Variants in KCNH1 observed in about 807,000 individuals in gnomAD.
The protein encoded by KCNH1 is voltage-gated delayed rectifier potassium channel KCNH1.
In KCNH1, 27 loss-of-function variants were observed where a neutral mutation model predicts 69.2. The ratio of observed to expected loss-of-function variants is 0.39; its 90% CI spans 0.29 to 0.54. The LOEUF is 0.54. KCNH1 is among the 20% of genes least tolerant of loss of function. KCNH1 has a pLI of 0.68. For missense variants in KCNH1, 798 were observed against 1,261.6 expected, an observed-to-expected ratio of 0.63 and a Z score of 5.57; for synonymous variants, 456 against 487.7, an observed-to-expected ratio of 0.93 and a Z score of 0.86.
At chr1:210,883,242 A>G (rs537520363) in intron 7 of KCNH1, among the ~76,000 whole-genome samples, 1 of 152,352 alleles carries the variant, frequency 6.6e-6, no homozygotes, top group East Asian at 1.9e-4. Context: ...ATGTGTGCTA[A>G]TGAAGGCAAA....
intron 10 of KCNH1, among the ~76,000 whole-genome samples, chr1:210,727,331 A>G (rs1682623337): frequency 6.6e-6 from 1 of 152,144 alleles, no homozygotes; most frequent in Non-Finnish European, 1.5e-5. Context: ...TATCTTACTC[A>G]ATAAGCCCAC....
chr1:211,095,298 GA>G (rs1179061969), intron 3 of KCNH1, among the ~76,000 whole-genome samples: 1 of 152,170 alleles, frequency 6.6e-6, no homozygotes, highest in Non-Finnish European at 1.5e-5. Context: ...CTTTATTGAA[GA>G]AAGATCTATG....
At chr1:210,832,740 G>A (rs1054377385) in intron 7 of KCNH1, among the ~76,000 whole-genome samples, 16 of 151,686 alleles carry the variant, frequency 1.1e-4, no homozygotes, top group African/African-American at 3.1e-4. Context: ...AGCAGGACCC[G>A]TTTTTTTCAC....
intron 1 of KCNH1, among the ~76,000 whole-genome samples, chr1:211,122,117 G>T (rs188805224): frequency 1.3e-5 from 2 of 151,676 alleles, no homozygotes; most frequent in African/African-American, 4.8e-5. Context: ...CAGCCTGGGC[G>T]ACAGTGAGAC....
chr1:210,780,541 T>C (rs1050534277), intron 9 of KCNH1, among the ~76,000 whole-genome samples: 1 of 152,104 alleles, frequency 6.6e-6, no homozygotes, highest in African/African-American at 2.4e-5. Flanking sequence ...GTGACTATAA[T>C]GTGTTAGGGG....
intron 5 of KCNH1, among the ~76,000 whole-genome samples, chr1:211,045,180 A>C (rs1296811746): frequency 6.6e-6 from 1 of 151,638 alleles, no homozygotes; most frequent in Non-Finnish European, 1.5e-5. Context: ...AAAGCCAAAC[A>C]TTGTATGCTC....
intron 7 of KCNH1, among the ~76,000 whole-genome samples, chr1:210,894,335 T>C (rs1686814418): frequency 2.0e-5 from 3 of 152,200 alleles, no homozygotes; most frequent in Admixed American, 2.0e-4. Context: ...GGAAAGACCC[T>C]TCTGACTACT....
intron 5 of KCNH1, among the ~76,000 whole-genome samples, chr1:211,081,844 C>T (rs972204815): frequency 1.6e-4 from 24 of 152,044 alleles, no homozygotes; most frequent in African/African-American, 5.6e-4. Context: ...GGAGGGATAG[C>T]GTTAGGAGAA....
chr1:210,756,193 C>T (rs941155489), intron 10 of KCNH1, among the ~76,000 whole-genome samples: 1 of 152,166 alleles, frequency 6.6e-6, no homozygotes. Flanking sequence ...AGAAACCCTC[C>T]CCCTGCTTAC....
chr1:211,004,321 G>A (rs960654933), intron 6 of KCNH1, among the ~76,000 whole-genome samples: 4 of 152,022 alleles, frequency 2.6e-5, no homozygotes, highest in African/African-American at 9.7e-5. Context: ...AATGAAAGAG[G>A]AAACAGATAT....
rs146268864 is a variant in KCNH1 at position 211,084,767 on chromosome 1, A to G, written c.440-1869T>C. ...AAACCCATATTTTCCTTCCTGCTCT[A>G]TAGATACTTTATAATGGCAATCATG... On this transcript the variant is annotated intron_variant, in intron 4 of 10. Coordinates refer to ENST00000271751, the MANE Select transcript of KCNH1 (RefSeq NM_172362.3). Among the ~76,000 whole-genome samples the G allele has an allele frequency of 3.4e-3, 520 of 152,362 alleles. 1 individual carries two copies. The highest frequency in any genetic ancestry group is 5.3e-3 in the Non-Finnish European group (364 of 68,038).
chr1:211,054,518 G>C (rs1350054014), intron 5 of KCNH1, among the ~76,000 whole-genome samples: 1 of 151,552 alleles, frequency 6.6e-6, no homozygotes, highest in Non-Finnish European at 1.5e-5. Context: ...AAACAAAATG[G>C]TAAAATATAT....
intron 10 of KCNH1, among the ~76,000 whole-genome samples, chr1:210,741,781 G>A (rs1166394985): frequency 3.3e-5 from 5 of 152,268 alleles, no homozygotes; most frequent in Admixed American, 1.3e-4. Context: ...CCCATCAACC[G>A]ACAGGGGCAG....
At chr1:210,967,105 T>C (rs562351565) in intron 6 of KCNH1, among the ~76,000 whole-genome samples, 1 of 151,648 alleles carries the variant, frequency 6.6e-6, no homozygotes, top group African/African-American at 2.4e-5. Flanking sequence ...TTCTCACTCA[T>C]AAGTGGGAGT....
At position 211,134,035 on chromosome 1, in the gene KCNH1, C is replaced by T; in HGVS notation, c.-90G>A. 8.8e-7 allele frequency: 1 copy of T among 1,131,330 alleles called. No individual in the cohort carries two copies. The highest frequency in any genetic ancestry group is 2.6e-5 in the East Asian group (1 of 38,804). 70.1% of individuals were successfully genotyped at this position (1,131,330 alleles called of 1,614,324 possible). ...CCTCGGGGCCCGCACGCAGTCCCGGCTCGAAGCGCCCCATGCGCCCGGCGG... is the reference window on the plus strand; with the variant it reads ...CCTCGGGGCCCGCACGCAGTCCCGGTTCGAAGCGCCCCATGCGCCCGGCGG... On this transcript the variant is annotated 5_prime_UTR_variant, in exon 1 of 11. Coordinates refer to ENST00000271751, the MANE Select transcript of KCNH1 (RefSeq NM_172362.3). This position sits in a 1 kb window ranked among gnomAD's most constrained non-coding sequence, Gnocchi z 5.7.
chr1:210,912,156 T>C (rs1687245009), intron 7 of KCNH1, among the ~76,000 whole-genome samples: 1 of 152,208 alleles, frequency 6.6e-6, no homozygotes, highest in South Asian at 2.1e-4. Context: ...ACAAGAGTTA[T>C]TGGGTTGTGA....
At chr1:210,957,317 G>T (rs964784780) in intron 6 of KCNH1, among the ~76,000 whole-genome samples, 110 of 152,264 alleles carry the variant, frequency 7.2e-4, no homozygotes, top group African/African-American at 2.5e-3. Context: ...ATTTGCTGAG[G>T]AGTCCTTTAT....
chr1:210,929,110 T>C (rs752689407), intron 6 of KCNH1, among the ~76,000 whole-genome samples: 3 of 152,098 alleles, frequency 2.0e-5, no homozygotes, highest in Non-Finnish European at 1.5e-5. Flanking sequence ...CAGAGAAGAA[T>C]TGGTATCAAT....
chr1:210,974,794 C>T (rs1051821959), intron 6 of KCNH1, among the ~76,000 whole-genome samples: 2 of 151,962 alleles, frequency 1.3e-5, no homozygotes, highest in Non-Finnish European at 2.9e-5. Flanking sequence ...GATCTCCTGA[C>T]CTCGTGATCC....
Sources: allele counts gnomAD v4.1 joint callset (sites outside exome capture counted in the v4.1 genomes callset), GRCh38; gene constraint gnomAD v4.1.1; non-coding constraint Gnocchi (gnomAD v3.1); transcripts MANE v1.5; gene names NCBI Gene and HGNC (gene_info 2026-07-23, HGNC 2026-07-21).